Variants in PRDM7 observed in about 807,000 individuals in gnomAD.
PRDM7 encodes the protein histone-lysine N-methyltransferase PRDM7.
PRDM7 carries 52 observed loss-of-function variants against 64.3 expected under a neutral mutation model. That is an observed-to-expected ratio of 0.81 (90% CI 0.65 to 1.02). The LOEUF (loss-of-function observed/expected upper bound fraction) is 1.02. PRDM7 is among the 50% of genes least tolerant of loss of function. The pLI, the probability that PRDM7 is intolerant of heterozygous loss-of-function variation, is 0.00. For missense variants in PRDM7, 574 were observed against 597.1 expected, an observed-to-expected ratio of 0.96 and a Z score of 0.40; for synonymous variants, 192 against 210.1, an observed-to-expected ratio of 0.91 and a Z score of 0.74.
intron 7 of PRDM7, 47 bp downstream of exon 7, chr16:90,062,353 AC>A: frequency 3.7e-6 from 6 of 1,613,880 alleles, no homozygotes; most frequent in Non-Finnish European, 5.1e-6. Context: ...AAATTATTGT[AC>A]CAGGACATAA....
Position 90,058,153 on chromosome 16 carries a change from G to T in PRDM7, c.*136C>A. ...TCCTACCCCCACAAATAATTTGCCT[G>T]TGTTCCCTGGATTCACTTTCTGGCC... On this transcript the variant is annotated 3_prime_UTR_variant, in exon 11 of 11. Coordinates refer to ENST00000449207, the MANE Select transcript of PRDM7 (RefSeq NM_001098173.2). 1 of 1,614,180 alleles carries T rather than the reference G, an allele frequency of 6.2e-7. No homozygotes were observed. The highest frequency in any genetic ancestry group is 8.5e-7 in the Non-Finnish European group (1 of 1,180,036).
Position 90,070,538 on chromosome 16 carries a change from T to C in PRDM7, c.302-3628A>G, listed in dbSNP as rs373275868. Among the ~76,000 whole-genome samples, 4 of 151,200 alleles carry C rather than the reference T, an allele frequency of 2.6e-5. No individual in the cohort carries two copies. The East Asian group carries it at 5.8e-4, about 22-fold the overall frequency. ...GGTGGAGTTTGCAGTGAGCCGAGAT[T>C]GCACCACTGAACTCCAGCCTGTGGC... On this transcript the variant is annotated intron_variant, in intron 4 of 10. Transcript: ENST00000449207.
Position 90,057,584 on chromosome 16 carries a change from G to T in PRDM7, c.*705C>A, listed in dbSNP as rs1178531954. The T allele has an allele frequency of 5.3e-6, 3 of 563,336 alleles. No individual in the cohort carries two copies. The highest frequency in any genetic ancestry group is 7.4e-6 in the Non-Finnish European group (3 of 404,588). The allele number at this position is 563,336 out of a possible 1,614,324, so 34.9% of individuals were successfully genotyped here. On this transcript the variant is annotated 3_prime_UTR_variant, in exon 11 of 11. Transcript: ENST00000449207. ...GAGGCAAAACACAAAAAATGGAGGG[G>T]ATCAGTGCGGGAAACAACCACACAT...
intron 4 of PRDM7, among the ~76,000 whole-genome samples, chr16:90,069,512 T>A (rs2037926546): frequency 6.6e-6 from 1 of 151,394 alleles, no homozygotes; most frequent in Admixed American, 6.6e-5. Context: ...CAAGTAGGAC[T>A]ACATCAAACT....
chr16:90,061,421 T>C, intron 9 of PRDM7, 31 bp downstream of exon 9: 1 of 1,548,290 alleles, frequency 6.5e-7, no homozygotes, highest in Non-Finnish European at 8.9e-7. Flanking sequence ...ATGGAGGTTC[T>C]CTCTGAAACT....
chr16:90,067,186 G>A (rs1425904843), intron 4 of PRDM7, among the ~76,000 whole-genome samples: 2 of 150,952 alleles, frequency 1.3e-5, no homozygotes, highest in African/African-American at 4.9e-5. Context: ...TGCTGGTCTC[G>A]AACTCCTGAC....
At chr16:90,072,091 C>T (rs865818232) in intron 4 of PRDM7, among the ~76,000 whole-genome samples, 3 of 151,956 alleles carry the variant, frequency 2.0e-5, no homozygotes, top group Admixed American at 1.3e-4. Flanking sequence ...ATTAGCCTGG[C>T]GTGGTGGCAG....
Position 90,058,483 on chromosome 16 carries a change from C to G in PRDM7, c.1285G>C (p.Val429Leu). 2 of 1,614,156 alleles carry G rather than the reference C, an allele frequency of 1.2e-6. No individual in the cohort carries two copies. The highest frequency in any genetic ancestry group is 1.1e-5 in the South Asian group (1 of 91,082). Residue 429 changes from valine (V) to leucine (L), a missense_variant, in exon 11 of 11, where the codon GTC becomes CTC. Transcript: ENST00000449207. ...CACATGTTGACTGAGAAATTTTTGA[C>G]TTGAAAAGGCCAGACAGCATGAGGG... ...HVPHAVWPFQVKNFSVNMWNA... is the reference protein window; with the variant it reads ...HVPHAVWPFQLKNFSVNMWNA...
rs756970703 is a variant in PRDM7, at chr16:90,060,552, T to C, written c.1022A>G (p.Tyr341Cys). The C allele has an allele frequency of 3.2e-5, 51 of 1,614,066 alleles. No individual in the cohort carries two copies. The highest frequency in any genetic ancestry group is 3.1e-5 in the Non-Finnish European group (37 of 1,179,978). Residue 341 changes from tyrosine to cysteine, a missense_variant, in exon 10 of 11, where the codon TAT becomes TGT. Transcript: ENST00000449207. Reference sequence around the variant, plus strand: ...TGGCCTAATGACTCGGCAGGTTCTATAGAAGATCTGCCTGTGGTACTGGAA... The same window carrying C: ...TGGCCTAATGACTCGGCAGGTTCTACAGAAGATCTGCCTGTGGTACTGGAA... ...VAFQYHRQIFYRTCRVIRPGC... is the reference protein window; with the variant it reads ...VAFQYHRQIFCRTCRVIRPGC...
At chr16:90,070,422 A>G (rs1401832357) in intron 4 of PRDM7, among the ~76,000 whole-genome samples, 1 of 150,958 alleles carries the variant, frequency 6.6e-6, no homozygotes, top group Non-Finnish European at 1.5e-5. Flanking sequence ...GTAAAACCCC[A>G]TCTCCACTGA....
rs1167167026 is a variant in PRDM7, at chr16:90,067,221, C to G, written c.302-311G>C. Among the ~76,000 whole-genome samples the G allele has an allele frequency of 2.6e-5, 4 of 151,268 alleles. No homozygotes were observed. In the East Asian group the frequency reaches 5.8e-4, roughly 22 times the overall value. On this transcript the variant is annotated intron_variant, in intron 4 of 10. Coordinates refer to ENST00000449207, the MANE Select transcript of PRDM7 (RefSeq NM_001098173.2). ...CCTTAGGTGATCCACCTGCCTCGGA[C>G]TCCCAAAGTGCTGAGATTACAGGCG...
Position 90,075,542 on chromosome 16 carries a change from C to G in PRDM7, c.70-68G>C. On this transcript the variant is annotated intron_variant, in intron 2 of 10. Coordinates refer to ENST00000449207, the MANE Select transcript of PRDM7 (RefSeq NM_001098173.2). The surrounding 1 kb of genome is among the most constrained non-coding windows in gnomAD (Gnocchi z 4.3). ...ATCGAGCTGGTCCTTTTCCTCTACC[C>G]TGCGTGTAGGGCATAGCCTGGGGCC... 1.2e-6 allele frequency: 2 copies of G among 1,612,784 alleles called. No individual in the cohort carries two copies. Among genetic ancestry groups the G allele is most frequent in the African/African-American group, 1.3e-5 (1 of 75,014 alleles).
chr16:90,075,995 C>T lies in PRDM7; in HGVS notation c.-85G>A, dbSNP rs1055691469. 75 of 1,471,046 alleles carry T rather than the reference C, an allele frequency of 5.1e-5. No homozygotes were observed. The highest frequency in any genetic ancestry group is 6.7e-5 in the Non-Finnish European group (72 of 1,070,260). The allele number at this position is 1,471,046 out of a possible 1,614,324, so 91.1% of individuals were successfully genotyped here. A position where few individuals can be genotyped will look rare whatever the true frequency, so the allele number is the denominator to read the frequency against. On this transcript the variant is annotated splice_region_variant and 5_prime_UTR_variant, in exon 2 of 11. Coordinates refer to ENST00000449207, the MANE Select transcript of PRDM7 (RefSeq NM_001098173.2). The surrounding 1 kb of genome is among the most constrained non-coding windows in gnomAD (Gnocchi z 4.3). ...TCTCCCAGCTCCTAGGCCAAAGGCTCCTGTGGAAGGAGAAGGTGCTGAGAT... is the reference window on the plus strand; with the variant it reads ...TCTCCCAGCTCCTAGGCCAAAGGCTTCTGTGGAAGGAGAAGGTGCTGAGAT...
chr16:90,060,731 G>A, intron 9 of PRDM7, 108 bp from the exon 10 acceptor site: 1 of 1,519,622 alleles, frequency 6.6e-7, no homozygotes, highest in Admixed American at 1.7e-5. Context: ...TGCCTAATCA[G>A]CCATTTTTTC....
intron 5 of PRDM7, among the ~76,000 whole-genome samples, chr16:90,064,215 G>A (rs1046902914): frequency 9.2e-5 from 14 of 152,162 alleles, no homozygotes; most frequent in Non-Finnish European, 1.8e-4. Flanking sequence ...AGAGATGATT[G>A]GCAAAAATAT....
At position 90,062,026 on chromosome 16, in the gene PRDM7, T is replaced by G. The variant is rs751970873; in HGVS notation, c.777A>C (p.Gly259=). The part of the protein sequence containing the change: ...GPSGIPQAGL[G]VWNEASDLPL... ...GCAGATCAGATGCCTCGTTCCATAC[T>G]CCAAGCCCAGCCTGAGGGATGCCTG... is the stretch of plus-strand genomic sequence containing the variant. The change falls in exon 8 of 11, where the codon GGA becomes GGC. Residue 259 remains glycine (G), a synonymous_variant. Coordinates refer to ENST00000449207, the MANE Select transcript of PRDM7 (RefSeq NM_001098173.2). The G allele has an allele frequency of 6.2e-7, 1 of 1,614,204 alleles. No individual in the cohort carries two copies. The highest frequency in any genetic ancestry group is 8.5e-7 in the Non-Finnish European group (1 of 1,180,036).
chr16:90,074,860 C>T, intron 4 of PRDM7, 56 bp downstream of exon 4: 1 of 1,566,686 alleles, frequency 6.4e-7, no homozygotes, highest in South Asian at 1.1e-5. Flanking sequence ...GCCTGGGCAA[C>T]AAGAGCGAAA....
chr16:90,071,855 A>G (rs2037961739), intron 4 of PRDM7, among the ~76,000 whole-genome samples: 1 of 152,112 alleles, frequency 6.6e-6, no homozygotes, highest in Admixed American at 6.5e-5. Flanking sequence ...AACCAGAACT[A>G]CCTTCTGATC....
Position 90,061,486 on chromosome 16 carries a change from C to G in PRDM7, c.916G>C (p.Asp306His), listed in dbSNP as rs544208570. 6.2e-7 allele frequency: 1 copy of G among 1,606,562 alleles called. No individual in the cohort carries two copies. The highest frequency in any genetic ancestry group is 1.3e-5 in the African/African-American group (1 of 74,744). The change falls in exon 9 of 11, where the codon GAT becomes CAT. Residue 306 changes from aspartate (D) to histidine (H), a missense_variant. By Grantham distance (81) the Asp-to-His change is moderately conservative (BLOSUM62 -1). Transcript: ENST00000449207. ...TTGGCCGAGGATTTATCTTTTCCAT[C>G]CACATACTCATAGCAGTTTCTCCCC... ...TKGRNCYEYVDGKDKSSANWM... is the reference protein window; with the variant it reads ...TKGRNCYEYVHGKDKSSANWM...
Sources: allele counts gnomAD v4.1 joint callset (sites outside exome capture counted in the v4.1 genomes callset), GRCh38; gene constraint gnomAD v4.1.1; non-coding constraint Gnocchi (gnomAD v3.1); transcripts MANE v1.5; gene names NCBI Gene and HGNC (gene_info 2026-07-23, HGNC 2026-07-21).